GPR158: variants seen among roughly 807,000 people sequenced by gnomAD.
GPR158 encodes metabotropic glycine receptor.
GPR158 carries 30 observed loss-of-function variants against 78.2 expected under a neutral mutation model. The ratio of observed to expected loss-of-function variants is 0.38; its 90% confidence interval spans 0.29 to 0.52. The LOEUF (loss-of-function observed/expected upper bound fraction) is 0.52. GPR158 is among the 20% of genes least tolerant of loss of function. The pLI, the probability that GPR158 is intolerant of heterozygous loss-of-function variation, is 0.83. For synonymous variants in GPR158, 581 were observed against 591.1 expected (o/e 0.98, Z 0.25); for missense variants, 1,463 against 1,523.5 (o/e 0.96, Z 0.66).
rs1298725354 is a variant in GPR158 at position 25,586,390 on chromosome 10, AATTTTT to A, written c.1754-2616_1754-2611del. Among the ~76,000 whole-genome samples, 181 of 130,984 alleles carry A rather than the reference AATTTTT, an allele frequency of 1.4e-3. 5 individuals carry two copies. The highest frequency in any genetic ancestry group is 4.0e-3 in the African/African-American group (139 of 35,140). The allele number at this position is 130,984 out of a possible 152,430, so 85.9% of individuals were successfully genotyped here. ...CCAGGGTTGTAAGTAGGTATGTGTG[AATTTTT>A]TTTTTTTTTTTTTTTTTTTTTTTTT... On this transcript the variant is annotated intron_variant, in intron 7 of 10. Coordinates refer to ENST00000376351, the MANE Select transcript of GPR158 (RefSeq NM_020752.3).
At chr10:25,555,863 T>C (rs1260881782) in intron 6 of GPR158, among the ~76,000 whole-genome samples, 1 of 152,220 alleles carries the variant, frequency 6.6e-6, no homozygotes, top group Admixed American at 6.5e-5. Context: ...TATTCAGTAC[T>C]CTTTGCTCTG....
intron 7 of GPR158, among the ~76,000 whole-genome samples, chr10:25,582,394 G>T (rs1837214571): frequency 2.0e-5 from 3 of 152,106 alleles, no homozygotes; most frequent in African/African-American, 7.2e-5. Context: ...AAATGTATAT[G>T]CCAGAGAGAG....
chr10:25,175,774 G>A lies in GPR158; in HGVS notation c.354G>A (p.Ala118=), dbSNP rs761268623. 6 of 1,610,910 alleles carry A rather than the reference G, an allele frequency of 3.7e-6. No homozygotes were observed. The Admixed American group carries it at 5.0e-5, about 13-fold the overall frequency. ...GGAAGTGGCCAGCCCTGGCCAGCGC[G>A]CACCCCTCCTTGCACCGGGCGCTGG... is the stretch of plus-strand genomic sequence containing the variant. ...LPGKWPALAS[A]HPSLHRALDT... The change falls in exon 1 of 11, where the codon GCG becomes GCA. Residue 118 remains alanine (A), a synonymous_variant. Transcript: ENST00000376351. This position sits in a 1 kb window ranked among gnomAD's most constrained non-coding sequence, Gnocchi z 6.4.
intron 2 of GPR158, among the ~76,000 whole-genome samples, chr10:25,248,297 C>T (rs1853732148): frequency 6.6e-6 from 1 of 152,070 alleles, no homozygotes; most frequent in Admixed American, 6.5e-5. Context: ...GTTTCTTTTG[C>T]TGTGCAGAAG....
intron 5 of GPR158, among the ~76,000 whole-genome samples, chr10:25,536,291 T>G (rs1554811712): frequency 1.3e-5 from 2 of 152,226 alleles, no homozygotes; most frequent in Non-Finnish European, 2.9e-5. Flanking sequence ...TTTTACATTA[T>G]TTGTTATATT....
At chr10:25,472,259 G>A (rs1343283633) in intron 5 of GPR158, among the ~76,000 whole-genome samples, 1 of 152,078 alleles carries the variant, frequency 6.6e-6, no homozygotes, top group East Asian at 1.9e-4. Flanking sequence ...GTTTGTCAAA[G>A]ATCAGATGGT....
chr10:25,539,697 G>T (rs1305124616), intron 5 of GPR158, among the ~76,000 whole-genome samples: 2 of 151,632 alleles, frequency 1.3e-5, no homozygotes, highest in African/African-American at 2.4e-5. Flanking sequence ...GTTGTTTTGG[G>T]GTAATAGGAG....
At chr10:25,508,970 G>A (rs998777389) in intron 5 of GPR158, among the ~76,000 whole-genome samples, 6 of 152,088 alleles carry the variant, frequency 3.9e-5, no homozygotes, top group African/African-American at 1.4e-4. Flanking sequence ...TTCACAAGTA[G>A]CTACTAGTTG....
chr10:25,566,115 C>T (rs1328187752), intron 6 of GPR158, among the ~76,000 whole-genome samples: 1 of 152,078 alleles, frequency 6.6e-6, no homozygotes, highest in Non-Finnish European at 1.5e-5. Context: ...CAGGATCTTA[C>T]AGGACTTTAT....
chr10:25,255,468 T>A (rs1461732456), intron 2 of GPR158, among the ~76,000 whole-genome samples: 2 of 152,254 alleles, frequency 1.3e-5, no homozygotes, highest in African/African-American at 4.8e-5. Context: ...TCAGGGTCTC[T>A]CTAGGTCTCT....
intron 7 of GPR158, among the ~76,000 whole-genome samples, chr10:25,581,629 C>G (rs910178777): frequency 1.3e-5 from 2 of 152,138 alleles, no homozygotes; most frequent in African/African-American, 4.8e-5. Flanking sequence ...AAATAAATAA[C>G]CTCCCACAGC....
intron 4 of GPR158, among the ~76,000 whole-genome samples, chr10:25,423,018 G>A (rs549698620): frequency 2.0e-5 from 3 of 152,014 alleles, no homozygotes; most frequent in African/African-American, 7.2e-5. Flanking sequence ...CCAGGTTGCT[G>A]CGAATGCCAT....
chr10:25,282,291 G>A (rs566645730), intron 2 of GPR158, among the ~76,000 whole-genome samples: 17 of 152,234 alleles, frequency 1.1e-4, no homozygotes, highest in Non-Finnish European at 2.1e-4. Context: ...CATTCATATT[G>A]TTGTATGTGT....
intron 2 of GPR158, among the ~76,000 whole-genome samples, chr10:25,363,403 G>C (rs182558752): frequency 6.6e-6 from 1 of 151,998 alleles, no homozygotes; most frequent in East Asian, 1.9e-4. Context: ...TCTGCCACTT[G>C]TTAGATGTGT....
intron 3 of GPR158, among the ~76,000 whole-genome samples, chr10:25,397,592 T>G (rs561906128): frequency 6.6e-6 from 1 of 152,328 alleles, no homozygotes; most frequent in African/African-American, 2.4e-5. Flanking sequence ...TTTCTCTCTC[T>G]TAGAAGGCAC....
At chr10:25,505,575 T>C (rs1461990047) in intron 5 of GPR158, among the ~76,000 whole-genome samples, 2 of 152,210 alleles carry the variant, frequency 1.3e-5, no homozygotes, top group African/African-American at 2.4e-5. Flanking sequence ...GTTACTCTAC[T>C]GCTTACAACC....
intron 5 of GPR158, among the ~76,000 whole-genome samples, chr10:25,548,823 A>G (rs1193958197): frequency 6.6e-6 from 1 of 152,144 alleles, no homozygotes; most frequent in African/African-American, 2.4e-5. Flanking sequence ...TACCTCCACC[A>G]TGGATGCTGA....
At chr10:25,539,125 G>C (rs1419827354) in intron 5 of GPR158, among the ~76,000 whole-genome samples, 1 of 152,076 alleles carries the variant, frequency 6.6e-6, no homozygotes, top group East Asian at 1.9e-4. Context: ...GCTGCATCCT[G>C]GGTGTTCTAA....
At chr10:25,399,282 T>G (rs1834409793) in intron 3 of GPR158, among the ~76,000 whole-genome samples, 1 of 152,048 alleles carries the variant, frequency 6.6e-6, no homozygotes. Flanking sequence ...CCTTAACACT[T>G]GGGGGATTAT....
Sources: allele counts gnomAD v4.1 joint callset (sites outside exome capture counted in the v4.1 genomes callset), GRCh38; gene constraint gnomAD v4.1.1; non-coding constraint Gnocchi (gnomAD v3.1); transcripts MANE v1.5; gene names NCBI Gene and HGNC (gene_info 2026-07-23, HGNC 2026-07-21).